Variants in UNC5D observed in about 807,000 individuals in gnomAD.
UNC5D encodes netrin receptor UNC5D.
UNC5D carries 39 observed loss-of-function variants against 105.4 expected under a neutral mutation model. That is an observed-to-expected ratio of 0.37 (90% CI 0.29 to 0.48). The LOEUF (loss-of-function observed/expected upper bound fraction) is 0.48, where lower values mean the gene tolerates loss of function less well. Ranked by LOEUF, UNC5D falls within the 20% of genes least tolerant of loss-of-function variation. UNC5D has a pLI of 0.98. For synonymous variants in UNC5D, 452 were observed against 450.4 expected, an observed-to-expected ratio of 1.00 and a Z score of -0.04; for missense variants, 991 against 1,202.4, an observed-to-expected ratio of 0.82 and a Z score of 2.60.
At chr8:35,641,252 C>T (rs1822692656) in intron 4 of UNC5D, among the ~76,000 whole-genome samples, 1 of 150,210 alleles carries the variant, frequency 6.7e-6, no homozygotes, top group Admixed American at 6.7e-5. Context: ...GTCTACTAAA[C>T]ACTATTTTAC....
chr8:35,386,203 A>G (rs1429483570), intron 1 of UNC5D, among the ~76,000 whole-genome samples: 1 of 152,126 alleles, frequency 6.6e-6, no homozygotes, highest in Non-Finnish European at 1.5e-5. Context: ...GTCTCCTGTC[A>G]CTGATTTTTT....
At chr8:35,398,892 A>T (rs1239757363) in intron 1 of UNC5D, among the ~76,000 whole-genome samples, 1 of 152,112 alleles carries the variant, frequency 6.6e-6, no homozygotes, top group Non-Finnish European at 1.5e-5. Context: ...ATGGTAGCAC[A>T]CACCTGTAAT....
chr8:35,566,073 C>A (rs1163995518), intron 2 of UNC5D, among the ~76,000 whole-genome samples: 4 of 152,152 alleles, frequency 2.6e-5, no homozygotes, highest in African/African-American at 4.8e-5. Context: ...AGTTGGCTTT[C>A]TGGACTCATA....
At chr8:35,738,178 G>C (rs1207671159) in intron 11 of UNC5D, among the ~76,000 whole-genome samples, 2 of 152,136 alleles carry the variant, frequency 1.3e-5, no homozygotes, top group Admixed American at 1.3e-4. Flanking sequence ...CAGGAATTCA[G>C]AAGTCTTGGG....
At chr8:35,725,712 G>A (rs1828822075) in intron 9 of UNC5D, among the ~76,000 whole-genome samples, 1 of 152,048 alleles carries the variant, frequency 6.6e-6, no homozygotes, top group Admixed American at 6.6e-5. Context: ...TAGTCACCAC[G>A]CTTTGTCATC....
intron 1 of UNC5D, among the ~76,000 whole-genome samples, chr8:35,376,325 T>C (rs555279559): frequency 6.6e-6 from 1 of 152,312 alleles, no homozygotes; most frequent in African/African-American, 2.4e-5. Context: ...TTATCATACC[T>C]TCTGACCACA....
rs1221995916 is a variant in UNC5D at position 35,790,643 on chromosome 8, A to G, written c.*80A>G. The G allele has an allele frequency of 1.3e-6, 2 of 1,505,780 alleles. No homozygotes were observed. The highest frequency in any genetic ancestry group is 1.8e-6 in the Non-Finnish European group (2 of 1,097,698). The allele number at this position is 1,505,780 out of a possible 1,614,324, so 93.3% of individuals were successfully genotyped here. A position where few individuals can be genotyped will look rare whatever the true frequency, so the allele number is the denominator to read the frequency against. ...ATGGGAAAGAGGCCGCTTTCTGCCC[A>G]GTGGCGTTGGGGGAATTCAGCCTTC... On this transcript the variant is annotated 3_prime_UTR_variant, in exon 17 of 17. Coordinates refer to ENST00000404895, the MANE Select transcript of UNC5D (RefSeq NM_080872.4).
At chr8:35,276,325 A>T (rs907087044) in intron 1 of UNC5D, among the ~76,000 whole-genome samples, 2 of 152,142 alleles carry the variant, frequency 1.3e-5, no homozygotes, top group Non-Finnish European at 2.9e-5. Context: ...CTGGGTCAGC[A>T]AGAGTTGACT....
intron 1 of UNC5D, among the ~76,000 whole-genome samples, chr8:35,542,931 G>A (rs1443552149): frequency 6.6e-6 from 1 of 152,100 alleles, no homozygotes; most frequent in African/African-American, 2.4e-5. Flanking sequence ...TTGTGGTCAT[G>A]GTGCCACATG....
intron 1 of UNC5D, among the ~76,000 whole-genome samples, chr8:35,533,812 A>G (rs912594474): frequency 3.3e-5 from 5 of 152,032 alleles, no homozygotes; most frequent in Non-Finnish European, 5.9e-5. Flanking sequence ...CCGATTTTCC[A>G]AGTGCGTCCA....
intron 1 of UNC5D, among the ~76,000 whole-genome samples, chr8:35,236,249 A>C (rs995830799): frequency 2.0e-5 from 3 of 152,288 alleles, no homozygotes; most frequent in South Asian, 4.1e-4. Flanking sequence ...GAGCTTGGTC[A>C]TGAGTTAGCG....
At chr8:35,261,092 C>G (rs888287615) in intron 1 of UNC5D, among the ~76,000 whole-genome samples, 1 of 152,206 alleles carries the variant, frequency 6.6e-6, no homozygotes, top group African/African-American at 2.4e-5. Flanking sequence ...GAGTTACATT[C>G]TACTCTGAGT....
At chr8:35,720,791 A>G (rs1420191298) in intron 8 of UNC5D, among the ~76,000 whole-genome samples, 2 of 151,666 alleles carry the variant, frequency 1.3e-5, no homozygotes, top group African/African-American at 2.4e-5. Flanking sequence ...GCACCATGCT[A>G]TTATGGTTAT....
chr8:35,673,292 A>G (rs1041037926), intron 4 of UNC5D, among the ~76,000 whole-genome samples: 1 of 152,206 alleles, frequency 6.6e-6, no homozygotes, highest in East Asian at 1.9e-4. Context: ...AAAGTGGTGA[A>G]GCAAGTAATG....
intron 4 of UNC5D, among the ~76,000 whole-genome samples, chr8:35,669,667 T>C (rs998245518): frequency 3.3e-5 from 5 of 152,264 alleles, no homozygotes; most frequent in South Asian, 4.1e-4. Context: ...ACGTGTTCTA[T>C]ACATTATATC....
chr8:35,421,167 A>T (rs1457446116), intron 1 of UNC5D, among the ~76,000 whole-genome samples: 2 of 152,166 alleles, frequency 1.3e-5, no homozygotes, highest in Non-Finnish European at 2.9e-5. Flanking sequence ...AACGTGCCTC[A>T]GTGGTTTATT....
At chr8:35,678,189 T>C (rs1194514609) in intron 4 of UNC5D, among the ~76,000 whole-genome samples, 3 of 152,150 alleles carry the variant, frequency 2.0e-5, no homozygotes, top group Admixed American at 6.5e-5. Flanking sequence ...ATCATTTACA[T>C]TGACAAGGGA....
chr8:35,246,481 G>A (rs2128805756), intron 1 of UNC5D, among the ~76,000 whole-genome samples: 1 of 152,196 alleles, frequency 6.6e-6, no homozygotes, highest in South Asian at 2.1e-4. Flanking sequence ...ATGCAGAAGT[G>A]GTTTGGCAGG....
intron 1 of UNC5D, among the ~76,000 whole-genome samples, chr8:35,450,787 T>A (rs1401916931): frequency 6.6e-6 from 1 of 152,176 alleles, no homozygotes; most frequent in Non-Finnish European, 1.5e-5. Context: ...ATACACCTAT[T>A]CTGTTTCTCA....
Sources: gnomAD v4.1 joint callset for allele counts (sites outside exome capture counted in the v4.1 genomes callset) on GRCh38, gnomAD v4.1.1 for gene constraint, MANE v1.5 for transcripts, NCBI Gene and HGNC (gene_info 2026-07-23, HGNC 2026-07-21) for gene names.